NEO1: variants seen among roughly 807,000 people sequenced by gnomAD.
NEO1 encodes neogenin 1.
A neutral mutation model predicts 159.7 loss-of-function variants in NEO1; 63 were observed. The observed-to-expected ratio is 0.39, with a 90% CI of 0.32 to 0.49. The LOEUF is 0.49. Among genes scored for constraint, NEO1 ranks in the 20% least tolerant of loss-of-function variants. The pLI, the probability that NEO1 is intolerant of heterozygous loss-of-function variation, is 0.85. For missense variants in NEO1, 1,615 were observed against 1,831.0 expected (o/e 0.88, Z 2.15); for synonymous variants, 633 against 662.0 (o/e 0.96, Z 0.67).
intron 1 of NEO1, among the ~76,000 whole-genome samples, chr15:73,068,748 A>G (rs1022299647): frequency 4.7e-5 from 7 of 150,464 alleles, no homozygotes; most frequent in African/African-American, 1.7e-4. Flanking sequence ...TAAATGCATG[A>G]GCTTAGTTTT....
rs527715515 is a variant in NEO1 at position 73,298,536 on chromosome 15, G to A, written c.4090G>A (p.Val1364Met). 101 of 1,614,090 alleles carry A rather than the reference G, an allele frequency of 6.3e-5. No individual in the cohort carries two copies. In the East Asian group the frequency reaches 2.1e-3, roughly 33 times the overall value. ...TTCCCACCCATTGAAGAGCTTCGCC[G>A]TGCCAGCAATCCCGCCTCCAGGACC... is the stretch of plus-strand genomic sequence containing the variant. ...RPSHPLKSFA[V>M]PAIPPPGPPT... is the part of the protein sequence containing the mutation. Residue 1364 changes from valine to methionine, a missense_variant, in exon 27 of 29, where the codon GTG (valine) becomes ATG (methionine). Val to Met is a conservative substitution (Grantham distance 21). Around this residue, in one of 3 missense-constraint regions of NEO1, gnomAD observed 471 missense variants for 498.9 expected, o/e 0.94. Coordinates refer to ENST00000261908, the MANE Select transcript of NEO1 (RefSeq NM_002499.4).
intron 5 of NEO1, among the ~76,000 whole-genome samples, chr15:73,145,280 A>G (rs532969250): frequency 1.3e-5 from 2 of 152,332 alleles, no homozygotes; most frequent in South Asian, 4.1e-4. Context: ...ATTGAATTTT[A>G]AAATAATAAC....
intron 1 of NEO1, among the ~76,000 whole-genome samples, chr15:73,059,604 A>G (rs908651957): frequency 1.3e-5 from 2 of 152,196 alleles, no homozygotes; most frequent in Non-Finnish European, 2.9e-5. Flanking sequence ...TAAGGGAGAT[A>G]TTAGGTAACT....
At chr15:73,241,678 T>A (rs2039494351) in intron 8 of NEO1, among the ~76,000 whole-genome samples, 1 of 152,310 alleles carries the variant, frequency 6.6e-6, no homozygotes, top group South Asian at 2.1e-4. Flanking sequence ...AGCTTTCACA[T>A]TCTAACCTGA....
chr15:73,268,523 A>ATGCTAC (rs2041021265), intron 16 of NEO1, among the ~76,000 whole-genome samples: 1 of 152,228 alleles, frequency 6.6e-6, no homozygotes, highest in African/African-American at 2.4e-5. Flanking sequence ...TATATAATGT[A>ATGCTAC]TGCTACTCCT....
chr15:73,127,763 A>T (rs2030491052), intron 4 of NEO1, among the ~76,000 whole-genome samples: 1 of 152,236 alleles, frequency 6.6e-6, no homozygotes, highest in South Asian at 2.1e-4. Context: ...ATGTAGTTCT[A>T]CCAAAAGAAT....
At chr15:73,100,061 A>G (rs1170548427) in intron 1 of NEO1, among the ~76,000 whole-genome samples, 7 of 152,140 alleles carry the variant, frequency 4.6e-5, no homozygotes, top group Admixed American at 6.5e-5. Flanking sequence ...ATTTTTATCT[A>G]CTTGACTTGC....
At chr15:73,096,324 G>A (rs1045922488) in intron 1 of NEO1, among the ~76,000 whole-genome samples, 1 of 152,134 alleles carries the variant, frequency 6.6e-6, no homozygotes, top group African/African-American at 2.4e-5. Context: ...GACAAAAGCA[G>A]AACTTTGCAT....
chr15:73,222,680 T>G (rs1305461197), intron 7 of NEO1, among the ~76,000 whole-genome samples: 1 of 152,226 alleles, frequency 6.6e-6, no homozygotes, highest in African/African-American at 2.4e-5. Context: ...GTTGGTTTTA[T>G]TTATCTTTTC....
At chr15:73,133,162 A>C (rs543588025) in intron 4 of NEO1, among the ~76,000 whole-genome samples, 2 of 152,194 alleles carry the variant, frequency 1.3e-5, no homozygotes, top group Admixed American at 6.5e-5. Context: ...TGAATAAAGA[A>C]ATTGTGGTAT....
chr15:73,195,794 CTT>C (rs891992532), intron 7 of NEO1, among the ~76,000 whole-genome samples: 2 of 152,112 alleles, frequency 1.3e-5, no homozygotes, highest in African/African-American at 4.8e-5. Context: ...ATTTTACACT[CTT>C]TTACAAATTT....
chr15:73,304,444 C>G lies in NEO1; in HGVS notation c.*1748C>G, dbSNP rs2042717007. ...GCTGCTGAAACCACCAGTGGGTACC[C>G]CAGGCCACCTGCCTTTGAACTTGGG... On this transcript the variant is annotated 3_prime_UTR_variant, in exon 29 of 29. Coordinates refer to ENST00000261908, the MANE Select transcript of NEO1 (RefSeq NM_002499.4). 1.3e-5 allele frequency: 2 copies of G among 152,346 alleles called. No individual in the cohort carries two copies. Among genetic ancestry groups the G allele is most frequent in the South Asian group, 4.1e-4 (2 of 4,828 alleles). The allele number at this position is 152,346 out of a possible 1,614,324, so 9.4% of individuals were successfully genotyped here. A position where few individuals can be genotyped will look rare whatever the true frequency, so the allele number is the denominator to read the frequency against.
At chr15:73,106,338 A>T (rs1230250493) in intron 1 of NEO1, among the ~76,000 whole-genome samples, 1 of 152,206 alleles carries the variant, frequency 6.6e-6, no homozygotes, top group Non-Finnish European at 1.5e-5. Context: ...AGCCAAATAC[A>T]TAATTTGAAA....
At chr15:73,167,591 A>C (rs2034665914) in intron 5 of NEO1, among the ~76,000 whole-genome samples, 1 of 152,222 alleles carries the variant, frequency 6.6e-6, no homozygotes, top group Non-Finnish European at 1.5e-5. Flanking sequence ...TGCATTATTC[A>C]CAATAACTGA....
chr15:73,226,983 G>T (rs77608790), intron 7 of NEO1, among the ~76,000 whole-genome samples: 1 of 152,158 alleles, frequency 6.6e-6, no homozygotes, highest in African/African-American at 2.4e-5. Flanking sequence ...GCTTAACCAA[G>T]GGTGCAACAT....
In NEO1 at chr15:73,074,572, G is replaced by A. The variant is rs987372316; in HGVS notation, c.130+21767G>A. Among the ~76,000 whole-genome samples the A allele has an allele frequency of 2.9e-4, 44 of 152,100 alleles. 1 individual carries two copies. Among genetic ancestry groups the A allele is most frequent in the Non-Finnish European group, 6.0e-4 (41 of 68,020 alleles). On this transcript the variant is annotated intron_variant, in intron 1 of 28. Coordinates refer to ENST00000261908, the MANE Select transcript of NEO1 (RefSeq NM_002499.4). Reference sequence around the variant, plus strand: ...ATACAGTGTAATAAAATGGGTTTTCGATGTGTGAGGATACCCTCATGTTAT... The same window carrying A: ...ATACAGTGTAATAAAATGGGTTTTCAATGTGTGAGGATACCCTCATGTTAT...
At chr15:73,065,404 C>T (rs1251061177) in intron 1 of NEO1, among the ~76,000 whole-genome samples, 3 of 151,432 alleles carry the variant, frequency 2.0e-5, no homozygotes, top group Non-Finnish European at 2.9e-5. Context: ...TGAATTTTCT[C>T]AGCTTTTGTC....
intron 21 of NEO1, 69 bp downstream of exon 21, chr15:73,274,793 TTTC>T: frequency 3.4e-6 from 5 of 1,459,742 alleles, no homozygotes; most frequent in South Asian, 1.2e-5. Context: ...TTGGTTTTTG[TTTC>T]TTTTTTTTTT....
intron 3 of NEO1, 90 bp downstream of exon 3, chr15:73,122,890 C>A: frequency 6.7e-7 from 1 of 1,502,184 alleles, no homozygotes; most frequent in Non-Finnish European, 9.0e-7. Context: ...TGAATGTTGG[C>A]CGGGCGCAGT....
Sources: allele counts gnomAD v4.1 joint callset (sites outside exome capture counted in the v4.1 genomes callset), GRCh38; gene constraint gnomAD v4.1.1; regional missense constraint gnomAD v4.1.1; transcripts MANE v1.5; gene names NCBI Gene and HGNC (gene_info 2026-07-23, HGNC 2026-07-21).